IPO11: variants seen among roughly 807,000 people sequenced by gnomAD.
The protein encoded by IPO11 is importin 11.
Under a neutral mutation model 143.2 loss-of-function variants are expected in IPO11, and 66 were observed. That is an observed-to-expected ratio of 0.46 (90% CI 0.38 to 0.57). IPO11 has a LOEUF of 0.57. Among genes scored for constraint, IPO11 ranks in the 20% least tolerant of loss-of-function variants. The pLI is 0.00. For synonymous variants in IPO11, 385 were observed against 377.8 expected, an observed-to-expected ratio of 1.02 and a Z score of -0.22; for missense variants, 1,026 against 1,141.0, an observed-to-expected ratio of 0.90 and a Z score of 1.45.
At chr5:62,447,588 ATTC>A (rs1330221042) in intron 3 of IPO11, among the ~76,000 whole-genome samples, 4 of 146,276 alleles carry the variant, frequency 2.7e-5, no homozygotes, top group African/African-American at 1.0e-4. Context: ...TTGTTTTTTT[ATTC>A]TTTTTTTTTT....
At chr5:62,418,577 A>C (rs1230194166) in intron 1 of IPO11, among the ~76,000 whole-genome samples, 3 of 152,228 alleles carry the variant, frequency 2.0e-5, no homozygotes, top group Non-Finnish European at 4.4e-5. Context: ...TATCGGGAAC[A>C]TAGAGATTCT....
intron 29 of IPO11, among the ~76,000 whole-genome samples, chr5:62,602,646 A>G (rs1745549214): frequency 6.6e-6 from 1 of 152,216 alleles, no homozygotes; most frequent in Non-Finnish European, 1.5e-5. Flanking sequence ...TACACCTCGC[A>G]TTACAGCACG....
chr5:62,527,899 G>A (rs1375743085), intron 21 of IPO11, among the ~76,000 whole-genome samples: 1 of 152,148 alleles, frequency 6.6e-6, no homozygotes, highest in Non-Finnish European at 1.5e-5. Context: ...TTATGCTACT[G>A]CATTATATAT....
At chr5:62,439,358 C>T (rs1744371798) in intron 2 of IPO11, among the ~76,000 whole-genome samples, 1 of 131,954 alleles carries the variant, frequency 7.6e-6, no homozygotes, top group South Asian at 2.4e-4. Flanking sequence ...GTGATCTAGG[C>T]TCACTGCAAG....
At chr5:62,413,892 T>TATTA (rs1689075204) in intron 1 of IPO11, among the ~76,000 whole-genome samples, 1 of 152,248 alleles carries the variant, frequency 6.6e-6, no homozygotes, top group African/African-American at 2.4e-5. Context: ...GCATGACACA[T>TATTA]ATTACATCTT....
chr5:62,581,152 T>C lies in IPO11; in HGVS notation c.2583-10425T>C, dbSNP rs922886023. 25 of 1,551,024 alleles carry C rather than the reference T, an allele frequency of 1.6e-5. No homozygotes were observed. In the East Asian group the frequency reaches 6.1e-4, roughly 38 times the overall value. ...GGAAAATAGACTTGAATACTACAGC[T>C]TTTATCAGTCAGCAAGGTATAATGT... On this transcript the variant is annotated intron_variant, in intron 27 of 29. Transcript: ENST00000325324.
chr5:62,616,964 C>T (rs1746165279), intron 29 of IPO11, among the ~76,000 whole-genome samples: 1 of 152,152 alleles, frequency 6.6e-6, no homozygotes, highest in African/African-American at 2.4e-5. Context: ...CATTATTAAA[C>T]TTTCTTGCCT....
chr5:62,616,257 G>T (rs1388684187), intron 29 of IPO11, among the ~76,000 whole-genome samples: 2 of 152,136 alleles, frequency 1.3e-5, no homozygotes, highest in African/African-American at 4.8e-5. Flanking sequence ...GGGCAGGGTG[G>T]GCAGGAGGAG....
At position 62,537,255 on chromosome 5, in the gene IPO11, A is replaced by G. The variant is rs958596105; in HGVS notation, c.2216A>G (p.Glu739Gly). Residue 739 changes from glutamate to glycine, a missense_variant, in exon 24 of 30, where the codon GAA becomes GGA. Coordinates refer to ENST00000325324, the MANE Select transcript of IPO11 (RefSeq NM_016338.5). ...LCQSFCELLKEITTEGQVQVL... is the reference protein window; with the variant it reads ...LCQSFCELLKGITTEGQVQVL... Reference sequence around the variant, plus strand: ...CAGTCCTTTTGTGAACTTTTAAAGGAAATTACTACAGAAGGTCAAGTTCAG... The same window carrying G: ...CAGTCCTTTTGTGAACTTTTAAAGGGAATTACTACAGAAGGTCAAGTTCAG... 1.9e-6 allele frequency: 3 copies of G among 1,607,158 alleles called. No homozygotes were observed. Among genetic ancestry groups the G allele is most frequent in the Admixed American group, 1.7e-5 (1 of 59,960 alleles).
Position 62,435,098 on chromosome 5 carries a change from A to ATG in IPO11, c.-6-2174_-6-2173dup, listed in dbSNP as rs1436640405. Among the ~76,000 whole-genome samples, 29 of 71,978 alleles carry ATG rather than the reference A, an allele frequency of 4.0e-4. 2 individuals are homozygous for ATG. Among genetic ancestry groups the ATG allele is most frequent in the Non-Finnish European group, 6.8e-4 (23 of 33,996 alleles). The allele number at this position is 71,978 out of a possible 152,430, so 47.2% of individuals were successfully genotyped here. ...TATATATATGTGTATATATGTATAT[A>ATG]TGTATATATATGTATATATGTATAT... On this transcript the variant is annotated intron_variant, in intron 1 of 29. Transcript: ENST00000325324.
At chr5:62,537,349 T>C (rs1742769347) in intron 24 of IPO11, 60 bp downstream of exon 24, 1 of 1,115,342 alleles carries the variant, frequency 9.0e-7, no homozygotes, top group African/African-American at 1.6e-5. Flanking sequence ...TTTATGAAAT[T>C]GGACTTTCAT....
intron 20 of IPO11, among the ~76,000 whole-genome samples, chr5:62,522,311 A>G (rs1384990958): frequency 3.5e-5 from 5 of 144,032 alleles, no homozygotes; most frequent in Non-Finnish European, 7.5e-5. Flanking sequence ...TTGAGACAGG[A>G]TCTCACTCTG....
rs547589302 is a variant in IPO11 at position 62,443,214 on chromosome 5, A to G, written c.239+131A>G. The G allele has an allele frequency of 1.5e-5, 8 of 524,068 alleles. No homozygotes were observed. The East Asian group carries it at 1.6e-4, about 11-fold the overall frequency. The allele number at this position is 524,068 out of a possible 1,614,324, so 32.5% of individuals were successfully genotyped here. A position where few individuals can be genotyped will look rare whatever the true frequency, so the allele number is the denominator to read the frequency against. On this transcript the variant is annotated intron_variant, in intron 3 of 29. Coordinates refer to ENST00000325324, the MANE Select transcript of IPO11 (RefSeq NM_016338.5). ...CAGCACATATACTAAAATTGGAGCA[A>G]TACAGAGACGATTAGCATGGTCTCT...
chr5:62,506,140 G>C (rs1741548063), intron 18 of IPO11, 101 bp from the exon 19 acceptor site: 1 of 595,966 alleles, frequency 1.7e-6, no homozygotes, highest in African/African-American at 1.8e-5. Flanking sequence ...TTGACTTACT[G>C]CTTTGACATT....
intron 22 of IPO11, among the ~76,000 whole-genome samples, chr5:62,532,095 A>G (rs1164089238): frequency 6.6e-6 from 1 of 152,164 alleles, no homozygotes; most frequent in Non-Finnish European, 1.5e-5. Flanking sequence ...TGTCGTGAAC[A>G]ACATTCAGCT....
intron 22 of IPO11, among the ~76,000 whole-genome samples, chr5:62,534,898 G>C (rs1742682210): frequency 6.6e-6 from 1 of 151,978 alleles, no homozygotes; most frequent in Non-Finnish European, 1.5e-5. Flanking sequence ...ATAACTTCTT[G>C]GTATTAGGAC....
intron 1 of IPO11, among the ~76,000 whole-genome samples, chr5:62,428,378 G>A (rs1185282760): frequency 1.3e-5 from 2 of 151,944 alleles, no homozygotes; most frequent in South Asian, 4.2e-4. Flanking sequence ...GAGTCTCACT[G>A]TGTCGCCCAG....
At chr5:62,597,245 A>G (rs982826032) in intron 28 of IPO11, among the ~76,000 whole-genome samples, 9 of 152,338 alleles carry the variant, frequency 5.9e-5, no homozygotes, top group African/African-American at 2.2e-4. Flanking sequence ...TATGCTTTCT[A>G]ATTACCAGGA....
intron 20 of IPO11, among the ~76,000 whole-genome samples, chr5:62,515,725 T>C (rs1161172698): frequency 6.6e-6 from 1 of 152,202 alleles, no homozygotes; most frequent in African/African-American, 2.4e-5. Context: ...CACTTTTAAA[T>C]GTTGTCTCCA....
Sources: gnomAD v4.1 joint callset for allele counts (sites outside exome capture counted in the v4.1 genomes callset) on GRCh38, gnomAD v4.1.1 for gene constraint, MANE v1.5 for transcripts, NCBI Gene and HGNC (gene_info 2026-07-23, HGNC 2026-07-21) for gene names.